The following CCDC85A variants were observed in gnomAD, a reference collection of about 807,000 sequenced individuals.
CCDC85A encodes the protein coiled-coil domain containing 85A.
A neutral mutation model predicts 50.2 loss-of-function variants in CCDC85A; 38 were observed. That is an observed-to-expected ratio of 0.76 (90% confidence interval 0.58 to 0.99). The LOEUF (loss-of-function observed/expected upper bound fraction) is 0.99. Ranked by LOEUF, CCDC85A falls within the 50% of genes least tolerant of loss-of-function variation. CCDC85A has a pLI of 0.00. For synonymous variants in CCDC85A, 366 were observed against 301.4 expected (o/e 1.21, Z -2.22); for missense variants, 820 against 742.0 (o/e 1.11, Z -1.22).
intron 2 of CCDC85A, among the ~76,000 whole-genome samples, chr2:56,197,605 C>T (rs1676579516): frequency 6.6e-6 from 1 of 152,078 alleles, no homozygotes; most frequent in Non-Finnish European, 1.5e-5. Context: ...AAACCATTGC[C>T]CTCAGTGAGT....
rs570963804 is a variant in CCDC85A, at chr2:56,275,673, C to T, written c.1241-67206C>T. Among the ~76,000 whole-genome samples, 111 of 152,240 alleles carry T rather than the reference C, an allele frequency of 7.3e-4. 1 individual carries two copies. Among genetic ancestry groups the T allele is most frequent in the African/African-American group, 2.3e-3 (94 of 41,538 alleles). ...CCCATGTAATGTTCTAGTTTTAATC[C>T]GGCTTTAGAGTGCTGACTGTCTGAT... On this transcript the variant is annotated intron_variant, in intron 2 of 5. Coordinates refer to ENST00000407595, the MANE Select transcript of CCDC85A (RefSeq NM_001080433.2).
At chr2:56,223,840 A>G (rs1198236506) in intron 2 of CCDC85A, among the ~76,000 whole-genome samples, 1 of 152,074 alleles carries the variant, frequency 6.6e-6, no homozygotes, top group Non-Finnish European at 1.5e-5. Context: ...AGTTCTTTCC[A>G]TTTCCCTAAA....
intron 4 of CCDC85A, among the ~76,000 whole-genome samples, chr2:56,374,457 T>C (rs943841446): frequency 6.6e-5 from 10 of 152,230 alleles, no homozygotes; most frequent in African/African-American, 2.4e-4. Context: ...TTACATGTAA[T>C]CCATACCTAT....
intron 2 of CCDC85A, among the ~76,000 whole-genome samples, chr2:56,277,936 A>G (rs1299908542): frequency 6.6e-6 from 1 of 152,236 alleles, no homozygotes; most frequent in Non-Finnish European, 1.5e-5. Flanking sequence ...AGCAGCATGC[A>G]TGGAAAGCAA....
chr2:56,322,474 G>C (rs1174328334), intron 2 of CCDC85A, among the ~76,000 whole-genome samples: 1 of 152,152 alleles, frequency 6.6e-6, no homozygotes, highest in Non-Finnish European at 1.5e-5. Flanking sequence ...CCATTAAAAA[G>C]TGGGTGATGG....
intron 2 of CCDC85A, among the ~76,000 whole-genome samples, chr2:56,202,603 T>A (rs1422535482): frequency 6.6e-6 from 1 of 152,326 alleles, no homozygotes; most frequent in Admixed American, 6.5e-5. Context: ...CTCAAGGAGT[T>A]GCGTTTTTTA....
chr2:56,306,354 C>T (rs535648661), intron 2 of CCDC85A, among the ~76,000 whole-genome samples: 2 of 152,222 alleles, frequency 1.3e-5, no homozygotes, highest in East Asian at 3.9e-4. Flanking sequence ...TCTTGAACTC[C>T]TGACCTCAGG....
At chr2:56,314,084 C>T (rs948843386) in intron 2 of CCDC85A, among the ~76,000 whole-genome samples, 4 of 147,380 alleles carry the variant, frequency 2.7e-5, no homozygotes, top group Non-Finnish European at 6.0e-5. Context: ...GAGATTGGAT[C>T]TAGTATGAAG....
In CCDC85A at chr2:56,384,626, G is replaced by GTGAATAGTGCCGCAATAAACATAC; in HGVS notation, c.*271_*272insTGAATAGTGCCGCAATAAACATAC. ...GAGTAGCTTTGAAAATCAACATTTT[G>GTGAATAGTGCCGCAATAAACATAC]GTACCAGTGTTTTCATTAGAAATAA... On this transcript the variant is annotated 3_prime_UTR_variant, in exon 6 of 6. Coordinates refer to ENST00000407595, the MANE Select transcript of CCDC85A (RefSeq NM_001080433.2). 1 of 331,298 alleles carries GTGAATAGTGCCGCAATAAACATAC rather than the reference G, an allele frequency of 3.0e-6. No individual in the cohort carries two copies. The highest frequency in any genetic ancestry group is 5.7e-6 in the Non-Finnish European group (1 of 176,878). 20.5% of individuals were successfully genotyped at this position (331,298 alleles called of 1,614,324 possible).
At chr2:56,346,942 A>C (rs1206516133) in intron 3 of CCDC85A, among the ~76,000 whole-genome samples, 1 of 152,244 alleles carries the variant, frequency 6.6e-6, no homozygotes, top group Non-Finnish European at 1.5e-5. Flanking sequence ...ATCGTGCTTA[A>C]ATAAATTTAT....
chr2:56,272,322 T>G, intron 2 of CCDC85A, among the ~76,000 whole-genome samples: 1 of 151,982 alleles, frequency 6.6e-6, no homozygotes, highest in Non-Finnish European at 1.5e-5. Flanking sequence ...CAGAGGGGGA[T>G]ATAAGCCAGA....
chr2:56,321,812 CA>C (rs35229494), intron 2 of CCDC85A, among the ~76,000 whole-genome samples: 1 of 152,018 alleles, frequency 6.6e-6, no homozygotes, highest in East Asian at 1.9e-4. Context: ...CATATGGAAC[CA>C]AAAAAGAGCC....
At chr2:56,352,409 G>T (rs1227258307) in intron 3 of CCDC85A, among the ~76,000 whole-genome samples, 1 of 152,222 alleles carries the variant, frequency 6.6e-6, no homozygotes, top group East Asian at 1.9e-4. Flanking sequence ...GTAGTGGTGT[G>T]ATCGCGGCTC....
chr2:56,313,344 A>AT (rs1672779280), intron 2 of CCDC85A, among the ~76,000 whole-genome samples: 1 of 152,260 alleles, frequency 6.6e-6, no homozygotes. Flanking sequence ...AGTATTAACT[A>AT]TTTTTTATAG....
At chr2:56,320,068 TA>T (rs1327721533) in intron 2 of CCDC85A, among the ~76,000 whole-genome samples, 1 of 152,032 alleles carries the variant, frequency 6.6e-6, no homozygotes, top group Admixed American at 6.6e-5. Flanking sequence ...AAGGCAGAAA[TA>T]AAGATGTTAT....
rs1344450269 is a variant in CCDC85A at position 56,385,376 on chromosome 2, AG to A, written c.*1022del. The A allele has an allele frequency of 3.3e-5, 5 of 152,262 alleles. No individual in the cohort carries two copies. Among genetic ancestry groups the A allele is most frequent in the Non-Finnish European group, 7.4e-5 (5 of 67,826 alleles). The allele number at this position is 152,262 out of a possible 1,614,324, so 9.4% of individuals were successfully genotyped here. A position where few individuals can be genotyped will look rare whatever the true frequency, so the allele number is the denominator to read the frequency against. On this transcript the variant is annotated 3_prime_UTR_variant, in exon 6 of 6. Transcript: ENST00000407595. ...TTATTGAGGCTAAAAGCTCTTGTTC[AG>A]ATTGCTTGAGGTTTGAAAAAGAGGT...
intron 2 of CCDC85A, among the ~76,000 whole-genome samples, chr2:56,243,101 C>A (rs532124100): frequency 6.6e-6 from 1 of 151,824 alleles, no homozygotes. Context: ...TATTAAATGC[C>A]TTGAAGTAAT....
chr2:56,378,251 T>C (rs1052472128), intron 5 of CCDC85A, among the ~76,000 whole-genome samples: 6 of 152,342 alleles, frequency 3.9e-5, no homozygotes, highest in African/African-American at 1.4e-4. Context: ...AGTTTCTCAC[T>C]TTCTGATAGA....
chr2:56,336,794 G>T (rs1674097130), intron 2 of CCDC85A, among the ~76,000 whole-genome samples: 1 of 152,158 alleles, frequency 6.6e-6, no homozygotes, highest in African/African-American at 2.4e-5. Flanking sequence ...TGCATTGCAG[G>T]TTAGCTGAAG....
Sources: allele counts gnomAD v4.1 joint callset (sites outside exome capture counted in the v4.1 genomes callset), GRCh38; gene constraint gnomAD v4.1.1; transcripts MANE v1.5; gene names NCBI Gene and HGNC (gene_info 2026-07-23, HGNC 2026-07-21).